The following STOX2 variants were observed in gnomAD, a reference collection of about 807,000 sequenced individuals.
The protein encoded by STOX2 is storkhead box 2.
Under a neutral mutation model 60.9 loss-of-function variants are expected in STOX2, and 28 were observed. That is an observed-to-expected ratio of 0.46 (90% CI 0.34 to 0.63). The LOEUF (loss-of-function observed/expected upper bound fraction) is 0.63. STOX2 is among the 30% of genes least tolerant of loss of function. The pLI is 0.01. For missense variants in STOX2, 1,024 were observed against 1,187.7 expected (o/e 0.86, Z 2.03); for synonymous variants, 472 against 463.9 (o/e 1.02, Z -0.22).
At chr4:183,874,170 T>G (rs1196173376) in intron 1 of STOX2, among the ~76,000 whole-genome samples, 2 of 152,026 alleles carry the variant, frequency 1.3e-5, no homozygotes, top group African/African-American at 4.8e-5. Flanking sequence ...TGCAGAGACT[T>G]GGAGAAAAAA....
At chr4:183,924,364 C>G (rs1742182241) in intron 1 of STOX2, among the ~76,000 whole-genome samples, 1 of 152,074 alleles carries the variant, frequency 6.6e-6, no homozygotes, top group Non-Finnish European at 1.5e-5. Flanking sequence ...CCCACAGAGA[C>G]TAGGACATGG....
At chr4:183,944,030 A>G (rs1270555113) in intron 1 of STOX2, among the ~76,000 whole-genome samples, 1 of 152,256 alleles carries the variant, frequency 6.6e-6, no homozygotes, top group African/African-American at 2.4e-5. Context: ...GGCTCAGTAC[A>G]GAAGACAGAC....
upstream of STOX2, among the ~76,000 whole-genome samples, chr4:183,901,726 A>G (rs757789965): frequency 1.3e-5 from 2 of 151,276 alleles, no homozygotes; most frequent in Non-Finnish European, 2.9e-5. Flanking sequence ...GGCCATTTGG[A>G]TATGTTCTTC....
At chr4:183,838,166 TTTA>T (rs1390031611) in intron 1 of STOX2, among the ~76,000 whole-genome samples, 3 of 150,848 alleles carry the variant, frequency 2.0e-5, no homozygotes, top group African/African-American at 4.8e-5. Flanking sequence ...ATTTATTATT[TTTA>T]TTATTTAATT....
At chr4:183,938,468 A>C (rs1742650020) in intron 1 of STOX2, among the ~76,000 whole-genome samples, 1 of 152,116 alleles carries the variant, frequency 6.6e-6, no homozygotes. Flanking sequence ...CAGGAGTTTG[A>C]GACCAGCCTG....
At chr4:183,944,705 A>G (rs1742840652) in intron 1 of STOX2, among the ~76,000 whole-genome samples, 1 of 152,234 alleles carries the variant, frequency 6.6e-6, no homozygotes, top group Non-Finnish European at 1.5e-5. Context: ...CAGAGACTCC[A>G]TCTCTAAATA....
rs1734501224 is a variant in STOX2 at position 184,019,660 on chromosome 4, TG to T, written c.*2380del. On this transcript the variant is annotated 3_prime_UTR_variant, in exon 4 of 4. Transcript: ENST00000308497. ...TATGTACACTATTTGCCTGATGCTA[TG>T]GGGTACATAATTTTTTAAAAACTCC... The T allele has an allele frequency of 1.3e-5, 2 of 152,348 alleles. No individual in the cohort carries two copies. Among genetic ancestry groups the T allele is most frequent in the South Asian group, 4.1e-4 (2 of 4,834 alleles). The allele number at this position is 152,348 out of a possible 1,614,324, so 9.4% of individuals were successfully genotyped here.
chr4:183,911,885 G>A (rs921634418), intron 1 of STOX2, among the ~76,000 whole-genome samples: 4 of 152,156 alleles, frequency 2.6e-5, no homozygotes, highest in Non-Finnish European at 5.9e-5. Context: ...AATCTATAAG[G>A]TATAAAGTAG....
chr4:183,842,768 T>C (rs1739892466), intron 1 of STOX2, among the ~76,000 whole-genome samples: 1 of 152,228 alleles, frequency 6.6e-6, no homozygotes, highest in African/African-American at 2.4e-5. Flanking sequence ...TATATGGCCT[T>C]TGAAACTTGC....
chr4:183,974,115 G>A (rs749617377), intron 1 of STOX2, among the ~76,000 whole-genome samples: 3 of 152,200 alleles, frequency 2.0e-5, no homozygotes, highest in Non-Finnish European at 2.9e-5. Flanking sequence ...GGACTAAAAT[G>A]ATGGTAAGAT....
rs911504896 is a variant in STOX2, at chr4:184,019,274, A to G, written c.*1990A>G. On this transcript the variant is annotated 3_prime_UTR_variant, in exon 4 of 4. Transcript: ENST00000308497. ...TCTCATGCCTTATTTCCTCCAAGGC[A>G]TGCCTCAACGCATTGTTTGTCTCAT... is the stretch of plus-strand genomic sequence containing the variant. 6 of 152,246 alleles carry G rather than the reference A, an allele frequency of 3.9e-5. No individual in the cohort carries two copies. Among genetic ancestry groups the G allele is most frequent in the African/African-American group, 9.6e-5 (4 of 41,458 alleles). 9.4% of individuals were successfully genotyped at this position (152,246 alleles called of 1,614,324 possible).
chr4:183,978,181 T>C (rs1732514664), intron 1 of STOX2, among the ~76,000 whole-genome samples: 1 of 152,246 alleles, frequency 6.6e-6, no homozygotes, highest in South Asian at 2.1e-4. Flanking sequence ...CTTTGACCAA[T>C]GTCCAGAAGA....
intron 1 of STOX2, among the ~76,000 whole-genome samples, chr4:183,895,234 T>C (rs937007664): frequency 6.6e-6 from 1 of 152,198 alleles, no homozygotes; most frequent in African/African-American, 2.4e-5. Flanking sequence ...CTCAATAAAT[T>C]GTCAAGTCCT....
At chr4:184,002,859 C>T (rs751793781) in intron 2 of STOX2, among the ~76,000 whole-genome samples, 1 of 152,194 alleles carries the variant, frequency 6.6e-6, no homozygotes, top group Non-Finnish European at 1.5e-5. Context: ...TCTCCTTCTC[C>T]TTGTGATATT....
At chr4:183,970,694 A>T (rs748811313) in intron 1 of STOX2, among the ~76,000 whole-genome samples, 1 of 152,214 alleles carries the variant, frequency 6.6e-6, no homozygotes, top group Non-Finnish European at 1.5e-5. Context: ...TGGTTCCCCC[A>T]CCAAAGTGCT....
intron 1 of STOX2, among the ~76,000 whole-genome samples, chr4:183,970,424 G>T (rs75284491): frequency 6.6e-6 from 1 of 152,054 alleles, no homozygotes; most frequent in Admixed American, 6.5e-5. Flanking sequence ...GCTCCTCAGG[G>T]AGTCCCACTA....
chr4:184,001,614 C>A lies in STOX2; in HGVS notation c.319+137C>A. On this transcript the variant is annotated intron_variant, in intron 2 of 3. Transcript: ENST00000308497. This position sits in a 1 kb window ranked among gnomAD's most constrained non-coding sequence, Gnocchi z 4.2. Reference sequence around the variant, plus strand: ...CAAAACTGACCCGAAGCTTTCCTTACTTCTGTAATTAAAAATTCAGGCACC... The same window carrying A: ...CAAAACTGACCCGAAGCTTTCCTTAATTCTGTAATTAAAAATTCAGGCACC... 1.3e-6 allele frequency: 1 copy of A among 795,152 alleles called. No individual in the cohort carries two copies. The highest frequency in any genetic ancestry group is 1.8e-6 in the Non-Finnish European group (1 of 550,722). 49.3% of individuals were successfully genotyped at this position (795,152 alleles called of 1,614,324 possible). A position where few individuals can be genotyped will look rare whatever the true frequency, so the allele number is the denominator to read the frequency against.
intron 1 of STOX2, among the ~76,000 whole-genome samples, chr4:183,937,563 AT>A (rs1370714737): frequency 2.8e-4 from 43 of 152,290 alleles, no homozygotes; most frequent in Admixed American, 7.8e-4. Flanking sequence ...GAGAGTAGGC[AT>A]TGAAACACCA....
chr4:183,869,890 A>G (rs1740648997), intron 1 of STOX2, among the ~76,000 whole-genome samples: 1 of 152,034 alleles, frequency 6.6e-6, no homozygotes, highest in South Asian at 2.1e-4. Context: ...TCTTTTTTGT[A>G]CTGTATTCTG....
Sources: gnomAD v4.1 joint callset for allele counts (sites outside exome capture counted in the v4.1 genomes callset) on GRCh38, gnomAD v4.1.1 for gene constraint, Gnocchi (gnomAD v3.1) non-coding constraint, MANE v1.5 for transcripts, NCBI Gene and HGNC (gene_info 2026-07-23, HGNC 2026-07-21) for gene names.